Variants in ARHGAP5 observed in about 807,000 individuals in gnomAD.
The protein encoded by ARHGAP5 is rho GTPase-activating protein 5.
A neutral mutation model predicts 116.6 loss-of-function variants in ARHGAP5; 23 were observed. That is an observed-to-expected ratio of 0.20 (90% CI 0.14 to 0.28). The LOEUF (loss-of-function observed/expected upper bound fraction) is 0.28, where lower values mean the gene tolerates loss of function less well. Ranked by LOEUF, ARHGAP5 falls within the 10% of genes least tolerant of loss-of-function variation. The pLI, the probability that ARHGAP5 is intolerant of heterozygous loss-of-function variation, is 1.00. For synonymous variants in ARHGAP5, 574 were observed against 602.0 expected (o/e 0.95, Z 0.68); for missense variants, 1,405 against 1,774.8 (o/e 0.79, Z 3.74).
chr14:32,157,226 C>A lies in ARHGAP5; in HGVS notation c.*2278C>A, dbSNP rs1311636506. On this transcript the variant is annotated 3_prime_UTR_variant, in exon 7 of 7. Coordinates refer to ENST00000345122, the MANE Select transcript of ARHGAP5 (RefSeq NM_001030055.2). ...GTACAGTTTAAAGCTCAGTCTGTTA[C>A]ACTGAATTGATTGTGTTTGTTTTTG... 2.0e-5 allele frequency: 3 copies of A among 151,086 alleles called. No homozygotes were observed. The highest frequency in any genetic ancestry group is 1.9e-4 in the East Asian group (1 of 5,202). The allele number at this position is 151,086 out of a possible 1,614,324, so 9.4% of individuals were successfully genotyped here.
At chr14:32,153,059 T>G (rs999288676) in intron 6 of ARHGAP5, among the ~76,000 whole-genome samples, 1 of 143,380 alleles carries the variant, frequency 7.0e-6, no homozygotes, top group Non-Finnish European at 1.5e-5. Context: ...TTGTTTTTTT[T>G]TTTTTTTAAA....
At chr14:32,129,204 A>G (rs889793605) in intron 3 of ARHGAP5, among the ~76,000 whole-genome samples, 1 of 152,196 alleles carries the variant, frequency 6.6e-6, no homozygotes, top group Non-Finnish European at 1.5e-5. Flanking sequence ...TCTTATAAGT[A>G]AATAATATAT....
At chr14:32,113,774 T>C (rs957755083) in intron 2 of ARHGAP5, among the ~76,000 whole-genome samples, 3 of 152,240 alleles carry the variant, frequency 2.0e-5, no homozygotes, top group African/African-American at 7.2e-5. Flanking sequence ...TAAATGCTAG[T>C]GCTAAGAAAA....
chr14:32,120,053 A>G (rs2139076683), intron 3 of ARHGAP5, among the ~76,000 whole-genome samples: 1 of 152,222 alleles, frequency 6.6e-6, no homozygotes, highest in Non-Finnish European at 1.5e-5. Context: ...TAATTTTAGT[A>G]GAATTCATCA....
At chr14:32,136,203 T>C (rs1160675911) in intron 3 of ARHGAP5, among the ~76,000 whole-genome samples, 2 of 152,238 alleles carry the variant, frequency 1.3e-5, no homozygotes, top group Non-Finnish European at 2.9e-5. Context: ...ATATTCACAA[T>C]GTTGTGCAAC....
chr14:32,081,609 G>A (rs977106830), intron 1 of ARHGAP5, among the ~76,000 whole-genome samples: 2 of 150,914 alleles, frequency 1.3e-5, no homozygotes, highest in African/African-American at 2.4e-5. Context: ...ATGAGCCAGA[G>A]TGAAAGATTT....
At chr14:32,121,574 CTTAGA>C (rs930235397) in intron 3 of ARHGAP5, among the ~76,000 whole-genome samples, 1 of 152,046 alleles carries the variant, frequency 6.6e-6, no homozygotes, top group African/African-American at 2.4e-5. Context: ...AAGATATTTT[CTTAGA>C]TTAGAATTCT....
rs148527486 is a variant in ARHGAP5 at position 32,117,060 on chromosome 14, G to A, written c.3718-80G>A. Reference sequence around the variant, plus strand: ...GGCTATAAAATTTTTCTTTTGATCCGAACCGTGTATTTACATTGCTCATTA... The same window carrying A: ...GGCTATAAAATTTTTCTTTTGATCCAAACCGTGTATTTACATTGCTCATTA... On this transcript the variant is annotated intron_variant, in intron 2 of 6. Transcript: ENST00000345122. The A allele has an allele frequency of 4.9e-5, 56 of 1,137,084 alleles. 1 individual carries two copies. The East Asian group carries it at 1.4e-3, about 27-fold the overall frequency. The allele number at this position is 1,137,084 out of a possible 1,614,324, so 70.4% of individuals were successfully genotyped here.
At chr14:32,129,656 CT>C (rs879936706) in intron 3 of ARHGAP5, among the ~76,000 whole-genome samples, 108 of 145,684 alleles carry the variant, frequency 7.4e-4, no homozygotes, top group Admixed American at 8.9e-4. Context: ...AGAACTCCCA[CT>C]TTTTTTTTTT....
rs1237687271 is a variant in ARHGAP5 at position 32,156,430 on chromosome 14, A to G, written c.*1482A>G. 6.6e-6 allele frequency: 1 copy of G among 152,358 alleles called. No homozygotes were observed. Among genetic ancestry groups the G allele is most frequent in the East Asian group, 1.9e-4 (1 of 5,196 alleles). The allele number at this position is 152,358 out of a possible 1,614,324, so 9.4% of individuals were successfully genotyped here. On this transcript the variant is annotated 3_prime_UTR_variant, in exon 7 of 7. Transcript: ENST00000345122. Reference sequence around the variant, plus strand: ...CCTAAAATAAATATTGTCTCTCCCAACTGTTAAGTTCTAGGTATTGTACTT... The same window carrying G: ...CCTAAAATAAATATTGTCTCTCCCAGCTGTTAAGTTCTAGGTATTGTACTT...
At chr14:32,114,227 C>CAA (rs543034265) in intron 2 of ARHGAP5, among the ~76,000 whole-genome samples, 8,286 of 139,316 alleles carry the variant, frequency 0.059, 726 homozygotes, top group African/African-American at 0.2. Flanking sequence ...GACTCCGTCT[C>CAA]AAAAAAAAAA....
At chr14:32,111,095 A>G (rs1879269352) in intron 2 of ARHGAP5, among the ~76,000 whole-genome samples, 1 of 152,218 alleles carries the variant, frequency 6.6e-6, no homozygotes, top group African/African-American at 2.4e-5. Context: ...GAGGGTGAGT[A>G]TAGATGGAAA....
intron 3 of ARHGAP5, among the ~76,000 whole-genome samples, chr14:32,127,056 G>A (rs1259564799): frequency 1.3e-5 from 2 of 149,294 alleles, no homozygotes; most frequent in Non-Finnish European, 3.0e-5. Context: ...GGAGTACAGT[G>A]GTGTAGTCTT....
rs1371309938 is a variant in ARHGAP5, at chr14:32,159,631, A to G, written c.*4683A>G. 6.6e-6 allele frequency: 1 copy of G among 152,070 alleles called. No individual in the cohort carries two copies. Among genetic ancestry groups the G allele is most frequent in the East Asian group, 1.9e-4 (1 of 5,196 alleles). The allele number at this position is 152,070 out of a possible 1,614,324, so 9.4% of individuals were successfully genotyped here. The stretch of plus-strand genomic sequence containing the variant: ...TCTAGGTACTTGCTGCAAGTTCTTG[A>G]ACTATTTTACCAGCTTTAACTTTGG... On this transcript the variant is annotated 3_prime_UTR_variant, in exon 7 of 7. Transcript: ENST00000345122.
Position 32,091,847 on chromosome 14 carries a change from A to T in ARHGAP5, c.1178A>T (p.Asp393Val). The change falls in exon 2 of 7, where the codon GAC becomes GTC. Residue 393 changes from aspartate to valine, a missense_variant. Physicochemically the swap from Asp to Val is radical, Grantham distance 152. Coordinates refer to ENST00000345122, the MANE Select transcript of ARHGAP5 (RefSeq NM_001030055.2). Reference sequence around the variant, plus strand: ...CCTTGGGATGAAACTGACCATATAGACAAAATTAATGATAGGCGGATTCCA... The same window carrying T: ...CCTTGGGATGAAACTGACCATATAGTCAAAATTAATGATAGGCGGATTCCA... Reference protein sequence around the residue: ...KTPWDETDHIDKINDRRIPFD... With the variant: ...KTPWDETDHIVKINDRRIPFD... 1 of 1,613,504 alleles carries T rather than the reference A, an allele frequency of 6.2e-7. No individual in the cohort carries two copies. Among genetic ancestry groups the T allele is most frequent in the South Asian group, 1.1e-5 (1 of 91,002 alleles).
chr14:32,112,534 T>G (rs996357536), intron 2 of ARHGAP5, among the ~76,000 whole-genome samples: 1 of 152,226 alleles, frequency 6.6e-6, no homozygotes, highest in Non-Finnish European at 1.5e-5. Context: ...GGCATTTGCA[T>G]TTAAGTAGAA....
At chr14:32,133,700 TATG>T (rs1880630463) in intron 3 of ARHGAP5, among the ~76,000 whole-genome samples, 2 of 152,230 alleles carry the variant, frequency 1.3e-5, no homozygotes, top group Non-Finnish European at 2.9e-5. Flanking sequence ...GCCCATTCAG[TATG>T]ATATTGGCTG....
In ARHGAP5 at chr14:32,107,030, A is replaced by G. The variant is rs146753296; in HGVS notation, c.3718-10110A>G. On this transcript the variant is annotated intron_variant, in intron 2 of 6. Transcript: ENST00000345122. The stretch of plus-strand genomic sequence containing the variant: ...AAGTCTTAAATTTAGTTATTTTGAC[A>G]TTTAATCGCATATTATTTTGTATGT... Among the ~76,000 whole-genome samples, 1,280 of 152,318 alleles carry G rather than the reference A, an allele frequency of 8.4e-3. 11 individuals carry two copies. The highest frequency in any genetic ancestry group is 0.023 in the African/African-American group (954 of 41,576).
chr14:32,147,621 A>G (rs1881436300), intron 4 of ARHGAP5, among the ~76,000 whole-genome samples: 1 of 152,194 alleles, frequency 6.6e-6, no homozygotes, highest in South Asian at 2.1e-4. Flanking sequence ...AAGCATGCCA[A>G]GATATACTTA....
Sources: allele counts gnomAD v4.1 joint callset (sites outside exome capture counted in the v4.1 genomes callset), GRCh38; gene constraint gnomAD v4.1.1; transcripts MANE v1.5; gene names NCBI Gene and HGNC (gene_info 2026-07-23, HGNC 2026-07-21).